The following PWWP2B variants were observed in gnomAD, a reference collection of about 807,000 sequenced individuals.
PWWP2B encodes the protein PWWP domain containing 2B, also known as PWWP domain-containing protein 2B.
In PWWP2B, 9 loss-of-function variants were observed where a neutral mutation model predicts 15.5. The observed-to-expected ratio is 0.58, with a 90% CI of 0.35 to 1.02. The LOEUF (loss-of-function observed/expected upper bound fraction) is 1.02. PWWP2B is among the 50% of genes least tolerant of loss of function. The pLI, the probability that PWWP2B is intolerant of heterozygous loss-of-function variation, is 0.02. For synonymous variants in PWWP2B, 474 were observed against 403.6 expected, an observed-to-expected ratio of 1.17 and a Z score of -2.09; for missense variants, 864 against 865.3, an observed-to-expected ratio of 1.00 and a Z score of 0.02.
At chr10:132,407,527 G>T (rs546734743) in intron 2 of PWWP2B, among the ~76,000 whole-genome samples, 2 of 152,332 alleles carry the variant, frequency 1.3e-5, no homozygotes, top group East Asian at 3.9e-4. Context: ...GCTGCACCCT[G>T]CGTATTGGGG....
Position 132,405,800 on chromosome 10 carries a change from T to C in PWWP2B, c.1300T>C (p.Ser434Pro), listed in dbSNP as rs1166044905. Residue 434 changes from serine (S) to proline (P), a missense_variant, in exon 2 of 3, where the codon TCC becomes CCC. Ser to Pro is a moderately conservative substitution (Grantham distance 74). Around this residue, in one of 2 missense-constraint regions of PWWP2B, gnomAD observed 736 missense variants for 687.7 expected, o/e 1.07. Coordinates refer to ENST00000305233, the MANE Select transcript of PWWP2B (RefSeq NM_138499.4). ...SSDSLDEARS[S>P]GSEGTPADTG... ...CGACAGCCTGGACGAGGCCAGATCG[T>C]CCGGCTCGGAAGGGACGCCGGCAGA... 6.2e-7 allele frequency: 1 copy of C among 1,607,632 alleles called. No homozygotes were observed. The highest frequency in any genetic ancestry group is 1.7e-5 in the Admixed American group (1 of 60,000).
Position 132,405,689 on chromosome 10 carries a change from G to T in PWWP2B, c.1189G>T (p.Gly397Cys). 1 of 1,612,288 alleles carries T rather than the reference G, an allele frequency of 6.2e-7. No individual in the cohort carries two copies. Among genetic ancestry groups the T allele is most frequent in the South Asian group, 1.1e-5 (1 of 91,090 alleles). The change falls in exon 2 of 3, where the codon GGT becomes TGT. Residue 397 changes from glycine (G) to cysteine (C), a missense_variant. Around this residue, in one of 2 missense-constraint regions of PWWP2B, gnomAD observed 736 missense variants for 687.7 expected, o/e 1.07. Coordinates refer to ENST00000305233, the MANE Select transcript of PWWP2B (RefSeq NM_138499.4). ...CGATGACTTCAAGAGCTGTCCCCAG[G>T]GTCCACAGGGACGCGAGGGCTTGGC... is the stretch of plus-strand genomic sequence containing the variant. ...EDDDFKSCPQ[G>C]PQGREGLAFL...
At chr10:132,414,485 C>T (rs895759739) in intron 2 of PWWP2B, among the ~76,000 whole-genome samples, 5 of 152,274 alleles carry the variant, frequency 3.3e-5, no homozygotes, top group East Asian at 1.9e-4. Flanking sequence ...GTGGCCTCTG[C>T]GGATCCCCCA....
rs1466698140 is a variant in PWWP2B, at chr10:132,412,651, AC to A, written c.*17-4409del. Among the ~76,000 whole-genome samples the A allele has an allele frequency of 2.6e-5, 4 of 152,344 alleles. No individual in the cohort carries two copies. The East Asian group carries it at 7.7e-4, about 29-fold the overall frequency. ...AAGATTTGCTCTTTCAGGAGGGATT[AC>A]GAGGTGCTGGCCCTGGTCTTCATTT... On this transcript the variant is annotated intron_variant, in intron 2 of 2. Coordinates refer to ENST00000305233, the MANE Select transcript of PWWP2B (RefSeq NM_138499.4).
intron 2 of PWWP2B, among the ~76,000 whole-genome samples, chr10:132,414,413 A>G (rs1564878236): frequency 6.6e-6 from 1 of 152,126 alleles, no homozygotes; most frequent in Non-Finnish European, 1.5e-5. Flanking sequence ...GCTGCATTAG[A>G]AGGGATGGAC....
intron 2 of PWWP2B, among the ~76,000 whole-genome samples, chr10:132,414,171 G>T (rs1209542687): frequency 1.3e-5 from 2 of 152,240 alleles, no homozygotes; most frequent in African/African-American, 4.8e-5. Flanking sequence ...TCCTGCGAAG[G>T]CCACTGCTGC....
rs1260162643 is a variant in PWWP2B at position 132,410,127 on chromosome 10, T to C, written c.*16+3838T>C. Among the ~76,000 whole-genome samples the C allele has an allele frequency of 9.0e-3, 1,378 of 152,312 alleles. 23 individuals are homozygous for C. Among genetic ancestry groups the C allele is most frequent in the African/African-American group, 0.032 (1,313 of 41,558 alleles). The stretch of plus-strand genomic sequence containing the variant: ...ACAAATAAAAGCAGTGACCTCCAGC[T>C]GTGAGGACAGGGAGAGTGACGGGGG... On this transcript the variant is annotated intron_variant, in intron 2 of 2. Transcript: ENST00000305233.
chr10:132,417,325 C>T lies in PWWP2B; in HGVS notation c.*281C>T. Reference sequence around the variant, plus strand: ...GTCGGGACTCGTGACTTGCTGGCTGCTGGCTGCTGCTGCCTCGCGCGCTGG... The same window carrying T: ...GTCGGGACTCGTGACTTGCTGGCTGTTGGCTGCTGCTGCCTCGCGCGCTGG... On this transcript the variant is annotated 3_prime_UTR_variant, in exon 3 of 3. Coordinates refer to ENST00000305233, the MANE Select transcript of PWWP2B (RefSeq NM_138499.4). 1 of 526,182 alleles carries T rather than the reference C, an allele frequency of 1.9e-6. No homozygotes were observed. Among genetic ancestry groups the T allele is most frequent in the Non-Finnish European group, 3.4e-6 (1 of 295,994 alleles). 32.6% of individuals were successfully genotyped at this position (526,182 alleles called of 1,614,324 possible). A position where few individuals can be genotyped will look rare whatever the true frequency, so the allele number is the denominator to read the frequency against.
chr10:132,400,065 C>G (rs2069595733), intron 1 of PWWP2B, among the ~76,000 whole-genome samples: 1 of 152,226 alleles, frequency 6.6e-6, no homozygotes, highest in African/African-American at 2.4e-5. Context: ...GAAGGGCACC[C>G]TGAGCTCTGT....
At chr10:132,398,702 C>T (rs1275383081) in intron 1 of PWWP2B, among the ~76,000 whole-genome samples, 2 of 152,240 alleles carry the variant, frequency 1.3e-5, no homozygotes, top group South Asian at 2.1e-4. Context: ...GCCTCCCCTT[C>T]ATGGAAAAAA....
chr10:132,416,167 C>T (rs563800484), intron 2 of PWWP2B, among the ~76,000 whole-genome samples: 248 of 152,200 alleles, frequency 1.6e-3, no homozygotes, highest in Non-Finnish European at 2.5e-3. Context: ...GACTTCTCGG[C>T]GGGGCTGCGA....
chr10:132,406,374 A>AG, intron 2 of PWWP2B, 85 bp downstream of exon 2: 1 of 1,195,258 alleles, frequency 8.4e-7, no homozygotes, highest in Non-Finnish European at 1.1e-6. Flanking sequence ...CCGGGCCCTG[A>AG]GGCCCAGGGA....
chr10:132,409,982 G>A (rs568738669), intron 2 of PWWP2B, among the ~76,000 whole-genome samples: 3 of 152,138 alleles, frequency 2.0e-5, no homozygotes, highest in South Asian at 2.1e-4. Flanking sequence ...CAGGGGGCCC[G>A]GTGGGCCAAG....
At chr10:132,397,704 AG>A (rs2069556746) in intron 1 of PWWP2B, among the ~76,000 whole-genome samples, 2 of 152,286 alleles carry the variant, frequency 1.3e-5, no homozygotes, top group Admixed American at 1.3e-4. Flanking sequence ...TCGTTAAAGC[AG>A]GGGAGGGTCA....
At chr10:132,410,334 CG>C (rs35790891) in intron 2 of PWWP2B, among the ~76,000 whole-genome samples, 70,397 of 151,062 alleles carry the variant, frequency 0.47, 16,632 homozygotes, top group Non-Finnish European at 0.49. Flanking sequence ...CCGTATTCAT[CG>C]GGGGGGACCT....
rs370369167 is a variant in PWWP2B, at chr10:132,405,841, G to A, written c.1341G>A (p.Ser447=). The A allele has an allele frequency of 1.4e-5, 22 of 1,610,256 alleles. No individual in the cohort carries two copies. In the African/African-American group the frequency reaches 2.4e-4, roughly 18 times the overall value. ...CGCCGGCAGACACGGGTGACCTCTC[G>A]CCTGGCCACGGCGCGTCAGCGCCCT... ...EGTPADTGDL[S]PGHGASAPSV... The change falls in exon 2 of 3, where the codon TCG becomes TCA. Residue 447 remains serine, a synonymous_variant. Transcript: ENST00000305233.
intron 2 of PWWP2B, among the ~76,000 whole-genome samples, chr10:132,413,397 C>T (rs754478890): frequency 3.3e-5 from 5 of 152,172 alleles, no homozygotes; most frequent in African/African-American, 4.8e-5. Flanking sequence ...GCGGGCGTCC[C>T]GGTGGGTGGT....
At chr10:132,408,693 C>T (rs1276249582) in intron 2 of PWWP2B, among the ~76,000 whole-genome samples, 4 of 152,248 alleles carry the variant, frequency 2.6e-5, no homozygotes, top group African/African-American at 9.6e-5. Flanking sequence ...CTGCCTGAGG[C>T]ACTTGTCAAG....
Position 132,405,482 on chromosome 10 carries a change from C to G in PWWP2B, c.982C>G (p.Leu328Val), listed in dbSNP as rs752388710. The change falls in exon 2 of 3, where the codon CTG becomes GTG. Residue 328 changes from leucine (L) to valine (V), a missense_variant. Leu to Val is a conservative substitution (Grantham distance 32, BLOSUM62 1). This residue lies in a region of PWWP2B where 736 missense variants were observed against 687.7 expected (regional missense o/e 1.07). Transcript: ENST00000305233. ...LTRPVPAGAD[L>V]PPPKIRLKPH... ...ACGGCCTGTGCCGGCCGGCGCGGACCTGCCGCCCCCTAAGATCCGCCTGAA... is the reference window on the plus strand; with the variant it reads ...ACGGCCTGTGCCGGCCGGCGCGGACGTGCCGCCCCCTAAGATCCGCCTGAA... 1.2e-6 allele frequency: 2 copies of G among 1,604,526 alleles called. No homozygotes were observed. The highest frequency in any genetic ancestry group is 2.2e-5 in the South Asian group (2 of 91,030).
Sources: gnomAD v4.1 joint callset for allele counts (sites outside exome capture counted in the v4.1 genomes callset) on GRCh38, gnomAD v4.1.1 for gene constraint, gnomAD v4.1.1 regional missense constraint, MANE v1.5 for transcripts, NCBI Gene and HGNC (gene_info 2026-07-23, HGNC 2026-07-21) for gene names.